The following NME7 variants were observed in gnomAD, a reference collection of about 807,000 sequenced individuals.
NME7 encodes the protein NME/NM23 family member 7.
A neutral mutation model predicts 49.1 loss-of-function variants in NME7; 41 were observed. That is an observed-to-expected ratio of 0.83 (90% CI 0.65 to 1.08). The LOEUF is 1.08. Among genes scored for constraint, NME7 ranks in the 50% least tolerant of loss-of-function variants. The pLI, the probability that NME7 is intolerant of heterozygous loss-of-function variation, is 0.00. For synonymous variants in NME7, 139 were observed against 150.6 expected, an observed-to-expected ratio of 0.92 and a Z score of 0.56; for missense variants, 423 against 463.4, an observed-to-expected ratio of 0.91 and a Z score of 0.80.
At chr1:169,314,274 A>G (rs12030810) in intron 3 of NME7, among the ~76,000 whole-genome samples, 12,590 of 152,060 alleles carry the variant, frequency 0.083, 708 homozygotes, top group Admixed American at 0.19. Context: ...ACAAAAAAAA[A>G]TACACAACAA....
chr1:169,171,065 A>G (rs1310267218), intron 10 of NME7, among the ~76,000 whole-genome samples: 1 of 152,214 alleles, frequency 6.6e-6, no homozygotes, highest in East Asian at 1.9e-4. Context: ...ACACTTTTAA[A>G]TTACTCAGTT....
At chr1:169,214,193 G>A (rs1660910847) in intron 10 of NME7, among the ~76,000 whole-genome samples, 3 of 152,200 alleles carry the variant, frequency 2.0e-5, no homozygotes, top group Non-Finnish European at 4.4e-5. Context: ...GAAGCAAGTG[G>A]TTTGGAAAGG....
At chr1:169,297,120 G>A (rs1430629181) in intron 6 of NME7, among the ~76,000 whole-genome samples, 1 of 151,598 alleles carries the variant, frequency 6.6e-6, no homozygotes, top group Non-Finnish European at 1.5e-5. Flanking sequence ...ATTACAGGTG[G>A]GCGCCACCAC....
chr1:169,149,553 C>T (rs924091835), intron 11 of NME7, among the ~76,000 whole-genome samples: 11 of 152,002 alleles, frequency 7.2e-5, no homozygotes, highest in South Asian at 4.2e-4. Context: ...TACAAACATA[C>T]CTATGATAAA....
intron 10 of NME7, among the ~76,000 whole-genome samples, chr1:169,177,535 C>A (rs1246960873): frequency 2.6e-5 from 4 of 152,094 alleles, no homozygotes. Context: ...CCCTATAACC[C>A]CAGCACTTTG....
At chr1:169,174,244 C>T (rs1489926004) in intron 10 of NME7, among the ~76,000 whole-genome samples, 1 of 152,140 alleles carries the variant, frequency 6.6e-6, no homozygotes, top group Non-Finnish European at 1.5e-5. Context: ...TTTAATTATT[C>T]TATGGCTGTG....
intron 10 of NME7, among the ~76,000 whole-genome samples, chr1:169,201,594 T>C (rs1242333918): frequency 6.6e-6 from 1 of 152,128 alleles, no homozygotes; most frequent in Non-Finnish European, 1.5e-5. Flanking sequence ...TGATTGACTA[T>C]AATGGGTTGG....
intron 7 of NME7, among the ~76,000 whole-genome samples, chr1:169,251,547 C>CTTTT (rs36096137): frequency 5.6e-5 from 7 of 123,978 alleles, no homozygotes; most frequent in Non-Finnish European, 5.0e-5. Context: ...ACTCTGGTTT[C>CTTTT]TTTTTTTTTT....
chr1:169,205,361 A>C (rs887637089), intron 10 of NME7, among the ~76,000 whole-genome samples: 5 of 152,122 alleles, frequency 3.3e-5, no homozygotes, highest in African/African-American at 4.8e-5. Context: ...CCTAAAATCA[A>C]GACATAGGAA....
chr1:169,176,125 C>A (rs1379202902), intron 10 of NME7, among the ~76,000 whole-genome samples: 1 of 152,086 alleles, frequency 6.6e-6, no homozygotes, highest in East Asian at 1.9e-4. Context: ...TACAGTTATG[C>A]AGTTTTATAT....
intron 11 of NME7, among the ~76,000 whole-genome samples, chr1:169,137,828 G>A (rs913350459): frequency 6.6e-6 from 1 of 152,176 alleles, no homozygotes; most frequent in Non-Finnish European, 1.5e-5. Flanking sequence ...TTGATAGAAA[G>A]GAGATGAAAA....
rs866745442 is a variant in NME7 at position 169,263,635 on chromosome 1, T to C, written c.754+23668A>G. On this transcript the variant is annotated intron_variant, in intron 7 of 11. Coordinates refer to ENST00000367811, the MANE Select transcript of NME7 (RefSeq NM_013330.5). The stretch of plus-strand genomic sequence containing the variant: ...AGACCAAATCTATGACTCTCTGGCA[T>C]ACCTGAAAGAAATGGGAAGAAAGAA... 1.6e-3 allele frequency among the ~76,000 whole-genome samples: 210 copies of C among 133,866 alleles called. 59 individuals are homozygous for C. The highest frequency in any genetic ancestry group is 7.7e-3 in the Middle Eastern group (2 of 260). The allele number at this position is 133,866 out of a possible 152,430, so 87.8% of individuals were successfully genotyped here.
chr1:169,136,500 G>T (rs1016177416), intron 11 of NME7, among the ~76,000 whole-genome samples: 3 of 152,156 alleles, frequency 2.0e-5, no homozygotes, highest in Non-Finnish European at 4.4e-5. Context: ...ATGTTGGGGT[G>T]GGGTAGAGGT....
intron 7 of NME7, among the ~76,000 whole-genome samples, chr1:169,242,958 G>T (rs1648154845): frequency 6.6e-6 from 1 of 151,972 alleles, no homozygotes; most frequent in African/African-American, 2.4e-5. Flanking sequence ...ACACAATAAA[G>T]ATGTCAATTC....
At chr1:169,147,894 A>G (rs1220271540) in intron 11 of NME7, among the ~76,000 whole-genome samples, 3 of 152,360 alleles carry the variant, frequency 2.0e-5, no homozygotes, top group Admixed American at 6.5e-5. Flanking sequence ...GGATATAGCG[A>G]TTGTTATAAC....
intron 10 of NME7, among the ~76,000 whole-genome samples, chr1:169,192,898 A>C (rs991920871): frequency 3.9e-5 from 6 of 152,036 alleles, no homozygotes; most frequent in Middle Eastern, 3.2e-3. Context: ...TTTTTGAAGC[A>C]CTCCTGAAAG....
chr1:169,279,255 G>A (rs543604940), intron 7 of NME7, among the ~76,000 whole-genome samples: 37 of 152,194 alleles, frequency 2.4e-4, no homozygotes, highest in Admixed American at 4.6e-4. Context: ...AGAGGTTACC[G>A]CTGTCTTTTT....
At chr1:169,180,050 T>C (rs896851377) in intron 10 of NME7, among the ~76,000 whole-genome samples, 24 of 152,214 alleles carry the variant, frequency 1.6e-4, no homozygotes, top group African/African-American at 5.5e-4. Flanking sequence ...TTATATCCAA[T>C]TTATAAAATA....
chr1:169,349,891 G>A (rs1369730254), intron 1 of NME7, among the ~76,000 whole-genome samples: 1 of 152,118 alleles, frequency 6.6e-6, no homozygotes, highest in Non-Finnish European at 1.5e-5. Context: ...GACTACAAGA[G>A]TGAGTAAGAA....
Sources: gnomAD v4.1 joint callset for allele counts (sites outside exome capture counted in the v4.1 genomes callset) on GRCh38, gnomAD v4.1.1 for gene constraint, MANE v1.5 for transcripts, NCBI Gene and HGNC (gene_info 2026-07-23, HGNC 2026-07-21) for gene names.